Variants in ALDH1A2 observed in about 807,000 individuals in gnomAD.
The protein encoded by ALDH1A2 is retinal dehydrogenase 2.
ALDH1A2 carries 27 observed loss-of-function variants against 60.3 expected under a neutral mutation model. The observed-to-expected ratio is 0.45, with a 90% confidence interval of 0.33 to 0.62. ALDH1A2 has a LOEUF of 0.62. Among genes scored for constraint, ALDH1A2 ranks in the 20% least tolerant of loss-of-function variants. The pLI is 0.02. For synonymous variants in ALDH1A2, 289 were observed against 232.4 expected (o/e 1.24, Z -2.21); for missense variants, 581 against 643.8 (o/e 0.90, Z 1.06).
At position 57,992,783 on chromosome 15, in the gene ALDH1A2, T is replaced by C. The variant is rs1215681607; in HGVS notation, c.720A>G (p.Pro240=). The stretch of plus-strand genomic sequence containing the variant: ...CTGCCCCAGCCGTTGGCCCATATCC[T>C]GGCAAAATATTGATGACCCCGGGAG... The part of the protein sequence containing the change: ...GFPPGVINIL[P]GYGPTAGAAI... The change falls in exon 7 of 13, where the codon CCA becomes CCG. Residue 240 remains proline (P), a synonymous_variant. Coordinates refer to ENST00000249750, the MANE Select transcript of ALDH1A2 (RefSeq NM_003888.4). 2 of 1,614,142 alleles carry C rather than the reference T, an allele frequency of 1.2e-6. No individual in the cohort carries two copies. Among genetic ancestry groups the C allele is most frequent in the South Asian group, 2.2e-5 (2 of 91,086 alleles).
chr15:58,023,525 G>C (rs535348597), intron 1 of ALDH1A2, among the ~76,000 whole-genome samples: 86 of 152,114 alleles, frequency 5.7e-4, no homozygotes, highest in African/African-American at 2.0e-3. Context: ...CAATGATAAA[G>C]AGAAAATCCT....
chr15:58,024,051 C>T (rs1391214895), intron 1 of ALDH1A2, among the ~76,000 whole-genome samples: 3 of 152,108 alleles, frequency 2.0e-5, no homozygotes, highest in African/African-American at 7.2e-5. Context: ...TGAGATTGCA[C>T]CATTGCACTC....
At chr15:57,968,705 T>C (rs560084258) in intron 7 of ALDH1A2, among the ~76,000 whole-genome samples, 6 of 152,324 alleles carry the variant, frequency 3.9e-5, no homozygotes, top group East Asian at 3.9e-4. Context: ...GTTTTACACA[T>C]AGTAAGATGC....
intron 1 of ALDH1A2, among the ~76,000 whole-genome samples, chr15:58,029,321 A>T (rs1896166336): frequency 6.6e-6 from 1 of 152,212 alleles, no homozygotes; most frequent in Admixed American, 6.5e-5. Context: ...ATGAAGGCAG[A>T]AATAAAGATG....
At chr15:58,013,692 C>T (rs1445515236) in intron 3 of ALDH1A2, among the ~76,000 whole-genome samples, 166 bp downstream of exon 3, 5 of 152,136 alleles carry the variant, frequency 3.3e-5, no homozygotes, top group Admixed American at 3.3e-4. Flanking sequence ...GCAGAGGTTG[C>T]AGTGAGCTGA....
chr15:58,027,747 T>C (rs1464918006), intron 1 of ALDH1A2, among the ~76,000 whole-genome samples: 1 of 151,980 alleles, frequency 6.6e-6, no homozygotes, highest in Non-Finnish European at 1.5e-5. Context: ...AACTTCGTAA[T>C]GCACATACAA....
At chr15:57,960,605 T>C (rs1893685636) in intron 12 of ALDH1A2, among the ~76,000 whole-genome samples, 165 bp downstream of exon 12, 2 of 152,234 alleles carry the variant, frequency 1.3e-5, no homozygotes, top group Admixed American at 1.3e-4. Flanking sequence ...GTTTTATTCA[T>C]CTCTATAACA....
intron 1 of ALDH1A2, among the ~76,000 whole-genome samples, chr15:58,045,613 A>T (rs1331178298): frequency 1.3e-5 from 2 of 152,100 alleles, no homozygotes; most frequent in Non-Finnish European, 2.9e-5. Context: ...ATGAAGCTGG[A>T]AACCATCAAT....
At chr15:58,000,580 TGGG>T (rs1476418839) in intron 4 of ALDH1A2, among the ~76,000 whole-genome samples, 4 of 152,010 alleles carry the variant, frequency 2.6e-5, no homozygotes, top group Non-Finnish European at 5.9e-5. Context: ...ACAGGTTTCA[TGGG>T]CTGGTAATAT....
intron 7 of ALDH1A2, among the ~76,000 whole-genome samples, chr15:57,973,036 T>C (rs1894122980): frequency 6.6e-6 from 1 of 152,184 alleles, no homozygotes; most frequent in Non-Finnish European, 1.5e-5. Flanking sequence ...TGAGTGATAA[T>C]ACAGCTGTTA....
At chr15:57,967,149 C>T (rs1298503910) in intron 7 of ALDH1A2, among the ~76,000 whole-genome samples, 9 of 150,972 alleles carry the variant, frequency 6.0e-5, no homozygotes, top group Non-Finnish European at 1.2e-4. Context: ...GGAGAAAAGG[C>T]TCTGGAGCCA....
At position 57,954,495 on chromosome 15, in the gene ALDH1A2, C is replaced by T. The variant is rs751527932; in HGVS notation, c.*702G>A. 193 of 154,608 alleles carry T rather than the reference C, an allele frequency of 1.2e-3. 4 individuals carry two copies. Among genetic ancestry groups the T allele is most frequent in the Non-Finnish European group, 2.6e-4 (18 of 69,264 alleles). The allele number at this position is 154,608 out of a possible 1,614,324, so 9.6% of individuals were successfully genotyped here. A position where few individuals can be genotyped will look rare whatever the true frequency, so the allele number is the denominator to read the frequency against. ...CAGCAAGCTCAGAAGCGGTGAACTG[C>T]ACATGATGACTTCCAGTCTCTATTG... On this transcript the variant is annotated 3_prime_UTR_variant, in exon 13 of 13. Transcript: ENST00000249750.
At chr15:58,057,096 G>C (rs1896915883) in intron 1 of ALDH1A2, among the ~76,000 whole-genome samples, 1 of 151,996 alleles carries the variant, frequency 6.6e-6, no homozygotes, top group Admixed American at 6.6e-5. Flanking sequence ...TCTCTCACCA[G>C]GTATATGAGG....
chr15:58,012,641 G>C (rs1895667477), intron 3 of ALDH1A2, among the ~76,000 whole-genome samples: 1 of 152,158 alleles, frequency 6.6e-6, no homozygotes, highest in Non-Finnish European at 1.5e-5. Flanking sequence ...TAGAGTGCCA[G>C]ATTAGAAAAT....
intron 1 of ALDH1A2, among the ~76,000 whole-genome samples, chr15:58,064,589 A>G (rs543069149): frequency 5.9e-5 from 9 of 152,328 alleles, no homozygotes; most frequent in Non-Finnish European, 8.8e-5. Flanking sequence ...TTGAGTGTAG[A>G]AATGTACCGA....
At chr15:58,001,865 C>T (rs1304309595) in intron 4 of ALDH1A2, among the ~76,000 whole-genome samples, 1 of 151,866 alleles carries the variant, frequency 6.6e-6, no homozygotes, top group Non-Finnish European at 1.5e-5. Context: ...TTGATGGGGA[C>T]ACCAGAAAAT....
In ALDH1A2 at chr15:57,962,035, C is replaced by CATCA; in HGVS notation, c.1224_1227dup (p.Asp410Ter). ...ACCTCCTCCTTGGCAATCCGCATAT[C>CATCA]ATCAGTGACGTTGGAAAACACTGTG... On this transcript the variant is annotated stop_gained and frameshift_variant, in exon 10 of 13. Coordinates refer to ENST00000249750, the MANE Select transcript of ALDH1A2 (RefSeq NM_003888.4). LOFTEE classifies it high-confidence loss of function. 6.2e-7 allele frequency: 1 copy of CATCA among 1,614,178 alleles called. No homozygotes were observed. Among genetic ancestry groups the CATCA allele is most frequent in the Non-Finnish European group, 8.5e-7 (1 of 1,180,014 alleles).
intron 4 of ALDH1A2, among the ~76,000 whole-genome samples, chr15:57,997,323 G>A (rs1377039649): frequency 6.6e-6 from 1 of 151,948 alleles, no homozygotes; most frequent in Admixed American, 6.6e-5. Context: ...TTTTCATGAG[G>A]AGCAACACCA....
At chr15:58,044,121 T>C (rs4553566) in intron 1 of ALDH1A2, among the ~76,000 whole-genome samples, 62,936 of 151,736 alleles carry the variant, frequency 0.41, 13,251 homozygotes, top group Non-Finnish European at 0.44. Context: ...CAGATCCGAG[T>C]GATCTTTGCT....
Sources: allele counts gnomAD v4.1 joint callset (sites outside exome capture counted in the v4.1 genomes callset), GRCh38; gene constraint gnomAD v4.1.1; transcripts MANE v1.5; gene names NCBI Gene and HGNC (gene_info 2026-07-23, HGNC 2026-07-21).